BAZ1B: variants seen among roughly 807,000 people sequenced by gnomAD.
BAZ1B encodes the protein bromodomain adjacent to zinc finger domain 1B, also known as tyrosine-protein kinase BAZ1B.
A neutral mutation model predicts 153.8 loss-of-function variants in BAZ1B; 22 were observed. The observed-to-expected ratio is 0.14, with a 90% CI of 0.10 to 0.20. The LOEUF is 0.20. Ranked by LOEUF, BAZ1B falls within the 10% of genes least tolerant of loss-of-function variation. BAZ1B has a pLI of 1.00. For synonymous variants in BAZ1B, 676 were observed against 633.4 expected (o/e 1.07, Z -1.01); for missense variants, 1,325 against 1,799.3 (o/e 0.74, Z 4.77).
chr7:73,520,379 G>A (rs1790987343), intron 1 of BAZ1B, among the ~76,000 whole-genome samples: 1 of 152,076 alleles, frequency 6.6e-6, no homozygotes, highest in Non-Finnish European at 1.5e-5. Context: ...AAAAAAGTGA[G>A]GTAATATTTA....
chr7:73,451,615 A>C (rs1477574597), intron 13 of BAZ1B, among the ~76,000 whole-genome samples: 1 of 152,222 alleles, frequency 6.6e-6, no homozygotes, highest in Non-Finnish European at 1.5e-5. Context: ...TGTGTGTATA[A>C]ATTTATGAAT....
At chr7:73,470,578 C>A in intron 7 of BAZ1B, 95 bp from the exon 8 acceptor site, 1 of 1,381,324 alleles carries the variant, frequency 7.2e-7, no homozygotes, top group Non-Finnish European at 9.8e-7. Context: ...GCCTAGTATA[C>A]AGTAGTTATC....
intron 3 of BAZ1B, among the ~76,000 whole-genome samples, chr7:73,504,922 A>G (rs1790274719): frequency 6.6e-6 from 1 of 152,206 alleles, no homozygotes; most frequent in Admixed American, 6.5e-5. Context: ...GAGTCAGAGT[A>G]AATTATTGAA....
intron 16 of BAZ1B, among the ~76,000 whole-genome samples, chr7:73,445,794 G>A (rs1025136490): frequency 8.6e-5 from 13 of 152,032 alleles, no homozygotes; most frequent in African/African-American, 2.4e-4. Flanking sequence ...CTGAGAGATC[G>A]AGGATACAGT....
At chr7:73,445,591 T>C (rs1274607155) in intron 16 of BAZ1B, among the ~76,000 whole-genome samples, 1 of 151,628 alleles carries the variant, frequency 6.6e-6, no homozygotes, top group African/African-American at 2.4e-5. Context: ...CTCAGAGAGA[T>C]CAGGCGCAGT....
chr7:73,456,570 G>C (rs1397776075), intron 13 of BAZ1B, among the ~76,000 whole-genome samples: 2 of 152,178 alleles, frequency 1.3e-5, no homozygotes, highest in African/African-American at 2.4e-5. Context: ...TAAATCATTA[G>C]AGAAAAACAA....
At chr7:73,521,545 G>C (rs148514567) in intron 1 of BAZ1B, among the ~76,000 whole-genome samples, 2 of 152,158 alleles carry the variant, frequency 1.3e-5, no homozygotes, top group East Asian at 3.9e-4. Context: ...ATGGGGATGG[G>C]GGATGCGCTC....
intron 5 of BAZ1B, among the ~76,000 whole-genome samples, chr7:73,490,275 A>G (rs1317719505): frequency 6.6e-6 from 1 of 152,230 alleles, no homozygotes; most frequent in African/African-American, 2.4e-5. Context: ...AAGAAAATTT[A>G]ATGACATTAC....
At chr7:73,442,136 T>TGGCCC in intron 19 of BAZ1B, 45 bp downstream of exon 19, 1 of 573,492 alleles carries the variant, frequency 1.7e-6, no homozygotes. Flanking sequence ...CTCGCTCGCC[T>TGGCCC]CCCTCCCACC....
At chr7:73,452,411 C>T (rs1554568456) in intron 13 of BAZ1B, among the ~76,000 whole-genome samples, 2 of 152,304 alleles carry the variant, frequency 1.3e-5, no homozygotes, top group East Asian at 3.9e-4. Flanking sequence ...AAACCTATGA[C>T]TTCACAATGG....
intron 13 of BAZ1B, among the ~76,000 whole-genome samples, chr7:73,455,166 T>C (rs1016200462): frequency 3.3e-5 from 5 of 152,008 alleles, no homozygotes; most frequent in African/African-American, 1.2e-4. Context: ...ATTACAGGCG[T>C]GAGCCACCGC....
At chr7:73,493,802 G>C (rs1169707261) in intron 4 of BAZ1B, among the ~76,000 whole-genome samples, 6 of 144,436 alleles carry the variant, frequency 4.2e-5, no homozygotes, top group African/African-American at 1.6e-4. Flanking sequence ...TCTTGCGACT[G>C]CACTCCACAC....
intron 7 of BAZ1B, among the ~76,000 whole-genome samples, chr7:73,471,886 A>G (rs1326175081): frequency 1.3e-5 from 2 of 151,764 alleles, no homozygotes; most frequent in Non-Finnish European, 2.9e-5. Flanking sequence ...AAAAAAAAAA[A>G]GCGAGAGAGT....
intron 7 of BAZ1B, among the ~76,000 whole-genome samples, chr7:73,471,541 G>A (rs1788803732): frequency 6.6e-6 from 1 of 152,012 alleles, no homozygotes; most frequent in Non-Finnish European, 1.5e-5. Context: ...TAGAGATAGG[G>A]TCTTACTATG....
chr7:73,443,115 T>C (rs1462612783), intron 17 of BAZ1B, among the ~76,000 whole-genome samples: 1 of 152,144 alleles, frequency 6.6e-6, no homozygotes, highest in Non-Finnish European at 1.5e-5. Flanking sequence ...GGAGGTCGGC[T>C]GAAGGGGGCT....
intron 3 of BAZ1B, among the ~76,000 whole-genome samples, chr7:73,507,467 G>A (rs1232170589): frequency 6.6e-6 from 1 of 152,042 alleles, no homozygotes; most frequent in African/African-American, 2.4e-5. Flanking sequence ...AGGATCGCTT[G>A]AGCCCAGGAG....
chr7:73,507,657 G>C (rs1192996073), intron 3 of BAZ1B, among the ~76,000 whole-genome samples: 1 of 152,222 alleles, frequency 6.6e-6, no homozygotes, highest in African/African-American at 2.4e-5. Context: ...ACAAAGTGTT[G>C]CAATTATTAC....
intron 3 of BAZ1B, 39 bp from the exon 4 acceptor site, chr7:73,498,737 C>T (rs368243415): frequency 2.6e-6 from 4 of 1,566,136 alleles, no homozygotes; most frequent in African/African-American, 1.4e-5. Flanking sequence ...AGATAATAAA[C>T]ACCCAGAAAC....
intron 12 of BAZ1B, chr7:73,462,623 T>C (rs1788433312): frequency 5.7e-6 from 2 of 350,552 alleles, no homozygotes; most frequent in Non-Finnish European, 1.1e-5. Context: ...AAGGTAAAGA[T>C]GTTAAATGAT....
Sources: gnomAD v4.1 joint callset for allele counts (sites outside exome capture counted in the v4.1 genomes callset) on GRCh38, gnomAD v4.1.1 for gene constraint, MANE v1.5 for transcripts, NCBI Gene and HGNC (gene_info 2026-07-23, HGNC 2026-07-21) for gene names.